CLCN6: variants seen among roughly 807,000 people sequenced by gnomAD.
The protein encoded by CLCN6 is Cl-/H+ antiporter 6.
Under a neutral mutation model 109.8 loss-of-function variants are expected in CLCN6, and 70 were observed. That is an observed-to-expected ratio of 0.64 (90% CI 0.53 to 0.78). The LOEUF is 0.78. CLCN6 is among the 30% of genes least tolerant of loss of function. CLCN6 has a pLI of 0.00. For missense variants in CLCN6, 984 were observed against 1,142.3 expected (o/e 0.86, Z 2.00); for synonymous variants, 444 against 447.8 (o/e 0.99, Z 0.11).
intron 10 of CLCN6, 110 bp from the exon 11 acceptor site, chr1:11,827,996 G>GAC: frequency 2.6e-6 from 2 of 778,200 alleles, no homozygotes; most frequent in Non-Finnish European, 4.5e-6. Context: ...GTACCCGGAT[G>GAC]TAGATTCCGG....
Position 11,836,057 on chromosome 1 carries a change from G to A in CLCN6, c.1884G>A (p.Thr628=), listed in dbSNP as rs368128231. ...CTCTGGTGAGCATCCTGCGCACCAC[G>A]GTCCACCATGCCTTCCCGGTGGTCA... The part of the protein sequence containing the change: ...IQSLVSILRT[T]VHHAFPVVTE... Residue 628 remains threonine (T), a synonymous_variant, in exon 18 of 23, where the codon ACG becomes ACA. Coordinates refer to ENST00000346436, the MANE Select transcript of CLCN6 (RefSeq NM_001286.5). The A allele has an allele frequency of 3.1e-4, 500 of 1,613,944 alleles. 8 individuals are homozygous for A. In the South Asian group the frequency reaches 5.1e-3, roughly 16 times the overall value.
In CLCN6 at chr1:11,806,358, C is replaced by G. The variant is rs942985770; in HGVS notation, c.87+9C>G. ...GCACCCCCGAGGAGCTGGTAAGAAG[C>G]CGGCGGAGTCGGCCTGGGGAGGGGG... On this transcript the variant is annotated intron_variant, in intron 1 of 22. Transcript: ENST00000346436. 6.6e-7 allele frequency: 1 copy of G among 1,510,480 alleles called. No homozygotes were observed. The highest frequency in any genetic ancestry group is 1.3e-5 in the South Asian group (1 of 75,604). The allele number at this position is 1,510,480 out of a possible 1,614,324, so 93.6% of individuals were successfully genotyped here.
At chr1:11,827,628 G>GTTTCACCA (rs56043629) in intron 10 of CLCN6, among the ~76,000 whole-genome samples, 1 of 151,794 alleles carries the variant, frequency 6.6e-6, no homozygotes, top group Non-Finnish European at 1.5e-5. Context: ...TAGAGATGGG[G>GTTTCACCA]CTTCTGACAT....
intron 9 of CLCN6, among the ~76,000 whole-genome samples, chr1:11,826,418 A>C (rs1644812033): frequency 6.6e-6 from 1 of 152,240 alleles, no homozygotes; most frequent in African/African-American, 2.4e-5. Context: ...GTCATGCCGT[A>C]AGGCCTAGAA....
rs1003205149 is a variant in CLCN6 at position 11,841,473 on chromosome 1, C to T, written c.*1250C>T. On this transcript the variant is annotated 3_prime_UTR_variant, in exon 23 of 23. Transcript: ENST00000346436. Reference sequence around the variant, plus strand: ...TGGCCCGCCCCCTCTGACTAGGCACCCAAAGTGAGCATCTGGGCATTGGGC... The same window carrying T: ...TGGCCCGCCCCCTCTGACTAGGCACTCAAAGTGAGCATCTGGGCATTGGGC... 2 of 152,288 alleles carry T rather than the reference C, an allele frequency of 1.3e-5. No homozygotes were observed. Among genetic ancestry groups the T allele is most frequent in the African/African-American group, 2.4e-5 (1 of 41,454 alleles). The allele number at this position is 152,288 out of a possible 1,614,324, so 9.4% of individuals were successfully genotyped here.
Position 11,840,452 on chromosome 1 carries a change from G to A in CLCN6, c.*229G>A. ...CCCAGCAAGGATCTTCCCACTTCCT[G>A]CTCCCTGTGTTCCCACCCTCCAGTG... On this transcript the variant is annotated 3_prime_UTR_variant, in exon 23 of 23. Transcript: ENST00000346436. 1.7e-6 allele frequency: 1 copy of A among 588,324 alleles called. No homozygotes were observed. The highest frequency in any genetic ancestry group is 2.8e-5 in the Admixed American group (1 of 35,610). The allele number at this position is 588,324 out of a possible 1,614,324, so 36.4% of individuals were successfully genotyped here.
At chr1:11,836,234 T>A in intron 18 of CLCN6, 81 bp downstream of exon 18, 3 of 1,310,462 alleles carry the variant, frequency 2.3e-6, no homozygotes, top group Non-Finnish European at 2.1e-6. Context: ...TGCCCACCCC[T>A]GGCTGGGGTG....
At position 11,828,495 on chromosome 1, in the gene CLCN6, C is replaced by T; in HGVS notation, c.992C>T (p.Ala331Val). The change falls in exon 12 of 23, where the codon GCT becomes GTT. Residue 331 changes from alanine (A) to valine (V), a missense_variant. By Grantham distance (64) the Ala-to-Val change is moderately conservative (BLOSUM62 0). Coordinates refer to ENST00000346436, the MANE Select transcript of CLCN6 (RefSeq NM_001286.5). Reference protein sequence around the residue: ...DSDKKCHLWTAMDLGFFVVMG... With the variant: ...DSDKKCHLWTVMDLGFFVVMG... Reference sequence around the variant, plus strand: ...GATAAAAAATGTCATCTCTGGACAGCTATGGATTTGGGTTTCTTCGTCGTG... The same window carrying T: ...GATAAAAAATGTCATCTCTGGACAGTTATGGATTTGGGTTTCTTCGTCGTG... 1 of 1,614,186 alleles carries T rather than the reference C, an allele frequency of 6.2e-7. No individual in the cohort carries two copies. The highest frequency in any genetic ancestry group is 8.5e-7 in the Non-Finnish European group (1 of 1,180,036).
intron 14 of CLCN6, 60 bp downstream of exon 14, chr1:11,833,698 G>C: frequency 6.2e-7 from 1 of 1,605,502 alleles, no homozygotes; most frequent in African/African-American, 1.3e-5. Context: ...ACACAGCCAG[G>C]CTTGCCCTTC....
Position 11,837,083 on chromosome 1 carries a change from A to G in CLCN6, c.2065A>G (p.Met689Val), listed in dbSNP as rs757508696. The G allele has an allele frequency of 3.1e-6, 5 of 1,613,564 alleles. No homozygotes were observed. The highest frequency in any genetic ancestry group is 4.2e-6 in the Non-Finnish European group (5 of 1,180,008). Residue 689 changes from methionine (M) to valine (V), a missense_variant, in exon 19 of 23, where the codon ATG becomes GTG. Coordinates refer to ENST00000346436, the MANE Select transcript of CLCN6 (RefSeq NM_001286.5). The part of the protein sequence containing the change: ...KSYPSSELRN[M>V]CDEHIASEEP... Reference sequence around the variant, plus strand: ...CTACCCATCCAGCGAGCTACGGAACATGTGTGATGAGCACATCGCCTCTGA... The same window carrying G: ...CTACCCATCCAGCGAGCTACGGAACGTGTGTGATGAGCACATCGCCTCTGA...
intron 10 of CLCN6, 77 bp from the exon 11 acceptor site, chr1:11,828,029 G>C (rs1644834741): frequency 9.5e-7 from 1 of 1,057,342 alleles, no homozygotes; most frequent in South Asian, 1.3e-5. Flanking sequence ...AGAGCAGTGG[G>C]TACCAGGAGG....
Position 11,834,707 on chromosome 1 carries a change from A to C in CLCN6, c.1793+117A>C. On this transcript the variant is annotated intron_variant, in intron 17 of 22. Transcript: ENST00000346436. The surrounding 1 kb of genome is among the most constrained non-coding windows in gnomAD (Gnocchi z 4.5). ...CACTTTTCTTGGGCTGAAAGAAGCA[A>C]CACACCCATTCCTGAGCATGTGTGA... is the stretch of plus-strand genomic sequence containing the variant. The C allele has an allele frequency of 3.4e-6, 3 of 875,758 alleles. No homozygotes were observed. The highest frequency in any genetic ancestry group is 5.5e-6 in the Non-Finnish European group (3 of 549,340). The allele number at this position is 875,758 out of a possible 1,614,324, so 54.2% of individuals were successfully genotyped here.
intron 13 of CLCN6, among the ~76,000 whole-genome samples, chr1:11,831,865 G>A (rs1644888299): frequency 6.6e-6 from 1 of 152,104 alleles, no homozygotes. Context: ...TATAGAGACA[G>A]GATCTCACTA....
At chr1:11,818,235 A>G (rs1000470710) in intron 4 of CLCN6, among the ~76,000 whole-genome samples, 1 of 152,170 alleles carries the variant, frequency 6.6e-6, no homozygotes, top group Non-Finnish European at 1.5e-5. Flanking sequence ...TTTTATATCA[A>G]ACTCTTTGGA....
At chr1:11,821,416 G>C (rs1305106027) in intron 5 of CLCN6, among the ~76,000 whole-genome samples, 2 of 152,162 alleles carry the variant, frequency 1.3e-5, no homozygotes, top group African/African-American at 4.8e-5. Context: ...ATTGAGCTGA[G>C]TGTGGTGGTG....
chr1:11,835,275 ATTG>A (rs999123236), intron 17 of CLCN6, among the ~76,000 whole-genome samples: 20 of 151,934 alleles, frequency 1.3e-4, no homozygotes, highest in Admixed American at 4.6e-4. Context: ...TTTTATTATT[ATTG>A]TTTTTCTTTT....
At chr1:11,820,735 C>T (rs545995162) in intron 5 of CLCN6, 1 of 192,470 alleles carries the variant, frequency 5.2e-6, no homozygotes, top group Non-Finnish European at 1.1e-5. Context: ...CCACTGCACT[C>T]CAGCCTGGGT....
rs1225673664 is a variant in CLCN6 at position 11,840,753 on chromosome 1, G to A, written c.*530G>A. The A allele has an allele frequency of 1.1e-5, 2 of 177,424 alleles. No individual in the cohort carries two copies. Among genetic ancestry groups the A allele is most frequent in the South Asian group, 2.7e-4 (2 of 7,370 alleles). 11.0% of individuals were successfully genotyped at this position (177,424 alleles called of 1,614,324 possible). On this transcript the variant is annotated 3_prime_UTR_variant, in exon 23 of 23. Coordinates refer to ENST00000346436, the MANE Select transcript of CLCN6 (RefSeq NM_001286.5). ...TCCCTTATTTGGGACTCTTAACACG[G>A]TATCCTCGCTAGTTGGTTTTAAGGG...
At chr1:11,810,371 G>A (rs988844264) in intron 2 of CLCN6, among the ~76,000 whole-genome samples, 4 of 152,058 alleles carry the variant, frequency 2.6e-5, no homozygotes, top group Non-Finnish European at 5.9e-5. Context: ...TATTTATATT[G>A]TACCTTTGAA....
Sources: allele counts gnomAD v4.1 joint callset (sites outside exome capture counted in the v4.1 genomes callset), GRCh38; gene constraint gnomAD v4.1.1; non-coding constraint Gnocchi (gnomAD v3.1); transcripts MANE v1.5; gene names NCBI Gene and HGNC (gene_info 2026-07-23, HGNC 2026-07-21).